The following TMEM272 variants were observed in gnomAD, a reference collection of about 807,000 sequenced individuals.
TMEM272 encodes long intergenic non-protein coding RNA 282.
A neutral mutation model predicts 3.7 loss-of-function variants in TMEM272; 8 were observed. The observed-to-expected ratio is 2.17, with a 90% CI of 1.27 to 3.91. The LOEUF (loss-of-function observed/expected upper bound fraction) is 3.91, where lower values mean the gene tolerates loss of function less well. Ranked by LOEUF, TMEM272 falls within the 30% of genes most tolerant of loss-of-function variation. The pLI is 0.00. For synonymous variants in TMEM272, 63 were observed against 39.8 expected, an observed-to-expected ratio of 1.58 and a Z score of -2.20; for missense variants, 166 against 91.5, an observed-to-expected ratio of 1.81 and a Z score of -3.32.
At chr13:51,871,943 C>A in the TMEM272 span, among the ~76,000 whole-genome samples, 1 of 152,038 alleles carries the variant, frequency 6.6e-6, no homozygotes, top group African/African-American at 2.4e-5. Flanking sequence ...ATGGAAGCAT[C>A]TTCCCCAGGG....
the TMEM272 span, chr13:51,909,670 G>GA: frequency 1.3e-6 from 2 of 1,534,776 alleles, no homozygotes; most frequent in South Asian, 2.2e-5. Flanking sequence ...TTAGCAGCAT[G>GA]AATCAGTTTC....
the TMEM272 span, among the ~76,000 whole-genome samples, chr13:51,881,010 T>G: frequency 3.9e-5 from 6 of 152,276 alleles, no homozygotes; most frequent in East Asian, 1.2e-3. Context: ...GTGACTGAAG[T>G]GATCATGGCC....
At chr13:51,881,714 C>T in the TMEM272 span, among the ~76,000 whole-genome samples, 2 of 152,106 alleles carry the variant, frequency 1.3e-5, no homozygotes, top group African/African-American at 2.4e-5. Flanking sequence ...GAGCTGCCCT[C>T]CCACCATGTG....
At chr13:51,885,919 A>G in the TMEM272 span, among the ~76,000 whole-genome samples, 51 of 152,370 alleles carry the variant, frequency 3.3e-4, no homozygotes, top group African/African-American at 1.2e-3. Flanking sequence ...TTCTAAAAAT[A>G]TAGCGAGGGC....
the TMEM272 span, among the ~76,000 whole-genome samples, chr13:51,853,829 T>C: frequency 5.9e-5 from 9 of 152,172 alleles, no homozygotes; most frequent in African/African-American, 2.2e-4. Context: ...GGATAGGAAA[T>C]ATATTAGAAG....
chr13:51,914,867 C>T, the TMEM272 span, among the ~76,000 whole-genome samples: 6 of 152,202 alleles, frequency 3.9e-5, no homozygotes, highest in African/African-American at 1.4e-4. Flanking sequence ...AGCTTCAAAT[C>T]CTGGCTTGGC....
chr13:51,871,108 G>A, the TMEM272 span, among the ~76,000 whole-genome samples: 1 of 151,596 alleles, frequency 6.6e-6, no homozygotes, highest in Non-Finnish European at 1.5e-5. Context: ...CCTCTGGTAT[G>A]CATACCCTTG....
the TMEM272 span, among the ~76,000 whole-genome samples, chr13:51,917,598 C>G: frequency 1.3e-5 from 2 of 152,142 alleles, no homozygotes; most frequent in African/African-American, 4.8e-5. Context: ...CCAGCGAGTC[C>G]TGTGGTTTAA....
At chr13:51,874,381 T>A in the TMEM272 span, among the ~76,000 whole-genome samples, 1 of 151,972 alleles carries the variant, frequency 6.6e-6, no homozygotes, top group Non-Finnish European at 1.5e-5. Flanking sequence ...AGATAGAGAG[T>A]AACTGTCTTG....
intron 3 of TMEM272, among the ~76,000 whole-genome samples, chr13:51,823,919 CTT>C (rs1278864828): frequency 6.6e-6 from 1 of 152,300 alleles, no homozygotes; most frequent in East Asian, 1.9e-4. Flanking sequence ...GGAGGCTTGT[CTT>C]TTAGTTATCT....
chr13:51,896,023 G>A, the TMEM272 span, among the ~76,000 whole-genome samples: 1 of 152,140 alleles, frequency 6.6e-6, no homozygotes, highest in Non-Finnish European at 1.5e-5. Flanking sequence ...TCTTTTCTGT[G>A]GACAATGCCT....
chr13:51,869,778 G>A, the TMEM272 span, among the ~76,000 whole-genome samples: 2 of 152,248 alleles, frequency 1.3e-5, no homozygotes, highest in South Asian at 2.1e-4. Flanking sequence ...GTAAGCCACC[G>A]CGCCTGGCCT....
At chr13:51,856,335 A>G in the TMEM272 span, among the ~76,000 whole-genome samples, 1 of 152,162 alleles carries the variant, frequency 6.6e-6, no homozygotes, top group African/African-American at 2.4e-5. Flanking sequence ...AGGCCACATG[A>G]CTCCTGAGCA....
At chr13:51,919,096 C>T in the TMEM272 span, among the ~76,000 whole-genome samples, 2,131 of 152,234 alleles carry the variant, frequency 0.014, 56 homozygotes, top group African/African-American at 0.049. Flanking sequence ...GGCCCTTGCT[C>T]GCCTCTGTGT....
the TMEM272 span, among the ~76,000 whole-genome samples, chr13:51,870,049 G>C: frequency 6.6e-6 from 1 of 152,198 alleles, no homozygotes; most frequent in Non-Finnish European, 1.5e-5. Flanking sequence ...TAAAGCTGCT[G>C]CTTCTTAGTC....
chr13:51,872,045 C>T, the TMEM272 span, among the ~76,000 whole-genome samples: 2 of 152,186 alleles, frequency 1.3e-5, no homozygotes, highest in African/African-American at 2.4e-5. Flanking sequence ...TTTATCGCTC[C>T]TCTCTTAAAT....
the TMEM272 span, among the ~76,000 whole-genome samples, chr13:51,867,836 G>A: frequency 2.0e-4 from 30 of 152,250 alleles, no homozygotes; most frequent in African/African-American, 7.0e-4. Flanking sequence ...GGGCTGCCAG[G>A]GGCCCACACT....
chr13:51,887,337 A>G, the TMEM272 span, among the ~76,000 whole-genome samples: 2 of 152,212 alleles, frequency 1.3e-5, no homozygotes, highest in African/African-American at 4.8e-5. Flanking sequence ...TTCCATTCTT[A>G]GACATCCTTA....
At chr13:51,830,879 AGAGGCTCACTCTTGCTTGAGATCTAAT>A (rs1956167633) in intron 2 of TMEM272, among the ~76,000 whole-genome samples, 3 of 152,126 alleles carry the variant, frequency 2.0e-5, no homozygotes, top group South Asian at 2.1e-4. Flanking sequence ...CTAGGTCTAA[AGAGGCTCACTCTTGCTTGAGATCTAAT>A]GAGGCTCACT....
Sources: gnomAD v4.1 joint callset for allele counts (sites outside exome capture counted in the v4.1 genomes callset) on GRCh38, gnomAD v4.1.1 for gene constraint, MANE v1.5 for transcripts, NCBI Gene and HGNC (gene_info 2026-07-23, HGNC 2026-07-21) for gene names.